The following SAMHD1 variants were observed in gnomAD, a reference collection of about 807,000 sequenced individuals.
The protein encoded by SAMHD1 is SAM and HD domain containing deoxynucleoside triphosphate triphosphohydrolase 1, also known as deoxynucleoside triphosphate triphosphohydrolase SAMHD1.
SAMHD1 carries 54 observed loss-of-function variants against 79.6 expected under a neutral mutation model. That is an observed-to-expected ratio of 0.68 (90% CI 0.55 to 0.85). The LOEUF is 0.85. Ranked by LOEUF, SAMHD1 falls within the 40% of genes least tolerant of loss-of-function variation. SAMHD1 has a pLI of 0.00. For synonymous variants in SAMHD1, 260 were observed against 264.1 expected, an observed-to-expected ratio of 0.98 and a Z score of 0.15; for missense variants, 663 against 782.7, an observed-to-expected ratio of 0.85 and a Z score of 1.82.
At chr20:36,904,070 TA>T in intron 13 of SAMHD1, 86 bp downstream of exon 13, 3 of 943,566 alleles carry the variant, frequency 3.2e-6, no homozygotes, top group Non-Finnish European at 5.2e-6. Flanking sequence ...TCTAATTTGC[TA>T]AAATGAACAT....
At chr20:36,930,293 C>G (rs1413245572) in intron 5 of SAMHD1, among the ~76,000 whole-genome samples, 1 of 151,708 alleles carries the variant, frequency 6.6e-6, no homozygotes, top group East Asian at 1.9e-4. Context: ...GTCAGGAGTT[C>G]GAGACCAGCC....
intron 7 of SAMHD1, 75 bp from the exon 8 acceptor site, chr20:36,917,124 T>A: frequency 2.2e-6 from 2 of 894,466 alleles, no homozygotes; most frequent in Non-Finnish European, 3.7e-6. Context: ...AAAGCAATTT[T>A]ATTAATCTGT....
At chr20:36,937,759 A>G (rs1230945442) in intron 3 of SAMHD1, among the ~76,000 whole-genome samples, 2 of 152,148 alleles carry the variant, frequency 1.3e-5, no homozygotes, top group African/African-American at 2.4e-5. Context: ...AATTCATTTA[A>G]GGTATTGATT....
chr20:36,908,067 G>T (rs937612878), intron 11 of SAMHD1, among the ~76,000 whole-genome samples: 2 of 151,444 alleles, frequency 1.3e-5, no homozygotes, highest in Non-Finnish European at 2.9e-5. Context: ...GTAGAGACAG[G>T]GTTTCACCAT....
intron 6 of SAMHD1, among the ~76,000 whole-genome samples, chr20:36,926,634 TATATTA>T (rs1261543352): frequency 1.3e-5 from 2 of 152,182 alleles, no homozygotes; most frequent in Non-Finnish European, 2.9e-5. Flanking sequence ...GTTTTCAATA[TATATTA>T]ATATCCTTTT....
chr20:36,898,624 G>A, intron 13 of SAMHD1, 80 bp from the exon 14 acceptor site: 1 of 1,138,974 alleles, frequency 8.8e-7, no homozygotes, highest in Non-Finnish European at 1.3e-6. Flanking sequence ...AACAAGAAAT[G>A]GAACAGAGGC....
chr20:36,910,243 C>T (rs2063429639), intron 11 of SAMHD1, among the ~76,000 whole-genome samples: 2 of 148,878 alleles, frequency 1.3e-5, no homozygotes, highest in South Asian at 4.3e-4. Context: ...AAAAAAATTC[C>T]CAGGTGTGGT....
chr20:36,918,161 G>A (rs933621948), intron 7 of SAMHD1, among the ~76,000 whole-genome samples: 2 of 151,782 alleles, frequency 1.3e-5, no homozygotes, highest in Admixed American at 1.3e-4. Context: ...GTATTACCCA[G>A]GCTGATCTCA....
chr20:36,916,317 C>T (rs1235504303), intron 9 of SAMHD1, among the ~76,000 whole-genome samples: 1 of 151,652 alleles, frequency 6.6e-6, no homozygotes, highest in African/African-American at 2.4e-5. Context: ...ATGAGTTGAT[C>T]CGTCCAAAGC....
chr20:36,935,337 T>C, intron 3 of SAMHD1, 148 bp from the exon 4 acceptor site: 1 of 686,702 alleles, frequency 1.5e-6, no homozygotes. Flanking sequence ...GTTAACATCA[T>C]TACCTTATTT....
chr20:36,932,879 CTT>C (rs2063576888), intron 4 of SAMHD1, among the ~76,000 whole-genome samples: 1 of 152,056 alleles, frequency 6.6e-6, no homozygotes, highest in African/African-American at 2.4e-5. Flanking sequence ...TTAAAAAACA[CTT>C]AAGACTATGT....
At position 36,897,763 on chromosome 20, in the gene SAMHD1, T is replaced by G. The variant is rs942539404; in HGVS notation, c.1746+59A>C. ...GAACTTTTCAGCAGATAGACTTACT[T>G]TTGGTTTTTACTTAAAAATAAAAAA... On this transcript the variant is annotated intron_variant, in intron 15 of 15. Transcript: ENST00000646673. 10 of 1,602,080 alleles carry G rather than the reference T, an allele frequency of 6.2e-6. No individual in the cohort carries two copies. The South Asian group carries it at 1.1e-4, about 18-fold the overall frequency.
intron 9 of SAMHD1, chr20:36,916,381 C>T (rs1881630332): frequency 3.1e-6 from 1 of 319,912 alleles, no homozygotes; most frequent in Non-Finnish European, 5.9e-6. Flanking sequence ...CCTGTAGTCC[C>T]AGCTACTTGG....
Position 36,892,855 on chromosome 20 carries a change from T to C in SAMHD1, c.*77A>G. 6.4e-7 allele frequency: 1 copy of C among 1,566,526 alleles called. No homozygotes were observed. The highest frequency in any genetic ancestry group is 8.8e-7 in the Non-Finnish European group (1 of 1,136,558). On this transcript the variant is annotated 3_prime_UTR_variant, in exon 16 of 16. Coordinates refer to ENST00000646673, the MANE Select transcript of SAMHD1 (RefSeq NM_015474.4). ...AAATTAAAGCATGAGTTGTCATTAA[T>C]TTGCAGAATTCTATGATTGAAGCCT...
chr20:36,890,406 C>CTTTCTTTCTTTCTTTCTTTCTT lies in SAMHD1; in HGVS notation c.*2525_*2526insAAGAAAGAAAGAAAGAAAGAAA, dbSNP rs1601105427. On this transcript the variant is annotated 3_prime_UTR_variant, in exon 16 of 16. Transcript: ENST00000646673. ...CAAAGATATTTCTTTCTCTTTCTTTCTTTCTTTCTTTCTTTTCTTTCTCTC... is the reference window on the plus strand; with the variant it reads ...CAAAGATATTTCTTTCTCTTTCTTTCTTTCTTTCTTTCTTTCTTTCTTTTTCTTTCTTTCTTTTCTTTCTCTC... 1 of 149,222 alleles carries CTTTCTTTCTTTCTTTCTTTCTT rather than the reference C, an allele frequency of 6.7e-6. No individual in the cohort carries two copies. 9.2% of individuals were successfully genotyped at this position (149,222 alleles called of 1,614,324 possible).
chr20:36,893,762 G>A, intron 15 of SAMHD1: 1 of 396,410 alleles, frequency 2.5e-6, no homozygotes. Flanking sequence ...ATACAATGCT[G>A]GTGGGAGGAT....
intron 7 of SAMHD1, chr20:36,917,336 T>TGGTTTATAAGTTTATAAA: frequency 2.7e-6 from 1 of 370,760 alleles, no homozygotes; most frequent in South Asian, 3.0e-5. Flanking sequence ...TTTTGTGTTT[T>TGGTTTATAAGTTTATAAA]CTTGGTTTAT....
chr20:36,916,609 A>C, intron 9 of SAMHD1, 113 bp downstream of exon 9: 1 of 801,804 alleles, frequency 1.2e-6, no homozygotes, highest in Non-Finnish European at 2.3e-6. Flanking sequence ...AAATCCTAGG[A>C]ATTAAGTAAA....
chr20:36,896,175 T>C (rs951801188), intron 15 of SAMHD1, among the ~76,000 whole-genome samples: 2 of 151,880 alleles, frequency 1.3e-5, no homozygotes, highest in African/African-American at 2.4e-5. Flanking sequence ...GGTTTCACAG[T>C]ATTAGCCAGG....
Sources: allele counts gnomAD v4.1 joint callset (sites outside exome capture counted in the v4.1 genomes callset), GRCh38; gene constraint gnomAD v4.1.1; transcripts MANE v1.5; gene names NCBI Gene and HGNC (gene_info 2026-07-23, HGNC 2026-07-21).